Variants in CDC73 observed in about 807,000 individuals in gnomAD.
CDC73 encodes the protein parafibromin.
A neutral mutation model predicts 83.7 loss-of-function variants in CDC73; 21 were observed. That is an observed-to-expected ratio of 0.25 (90% CI 0.18 to 0.36). The LOEUF (loss-of-function observed/expected upper bound fraction) is 0.36, where lower values mean the gene tolerates loss of function less well. Ranked by LOEUF, CDC73 falls within the 10% of genes least tolerant of loss-of-function variation. CDC73 has a pLI of 1.00. For synonymous variants in CDC73, 224 were observed against 212.9 expected (o/e 1.05, Z -0.45); for missense variants, 342 against 653.3 (o/e 0.52, Z 5.19).
intron 13 of CDC73, among the ~76,000 whole-genome samples, chr1:193,225,284 C>T (rs867523427): frequency 1.1e-4 from 16 of 145,934 alleles, no homozygotes; most frequent in Admixed American, 2.1e-4. Context: ...CCACATACTA[C>T]GGTTTCTTTA....
intron 5 of CDC73, among the ~76,000 whole-genome samples, chr1:193,136,138 G>C (rs1176098150): frequency 1.3e-5 from 2 of 151,890 alleles, no homozygotes; most frequent in Admixed American, 6.5e-5. Flanking sequence ...AGGCCTTATG[G>C]GCCATACAGT....
intron 10 of CDC73, among the ~76,000 whole-genome samples, chr1:193,183,383 A>G (rs1220204707): frequency 1.3e-5 from 2 of 149,708 alleles, no homozygotes; most frequent in Middle Eastern, 6.8e-3. Context: ...GATGTGAACA[A>G]TTTTTTTAAG....
chr1:193,151,007 G>T (rs1486761437), intron 9 of CDC73, among the ~76,000 whole-genome samples: 1 of 152,164 alleles, frequency 6.6e-6, no homozygotes. Flanking sequence ...TGTACATTGA[G>T]AACTTGGAAA....
intron 7 of CDC73, among the ~76,000 whole-genome samples, 170 bp from the exon 8 acceptor site, chr1:193,147,697 G>A (rs1676026132): frequency 6.6e-6 from 1 of 152,100 alleles, no homozygotes; most frequent in Admixed American, 6.5e-5. Context: ...ATCAGTCTCT[G>A]GATCAATATC....
rs566072882 is a variant in CDC73 at position 193,203,518 on chromosome 1, T to C, written c.973-277T>C. Among the ~76,000 whole-genome samples the C allele has an allele frequency of 2.0e-5, 3 of 152,324 alleles. No homozygotes were observed. The East Asian group carries it at 5.8e-4, about 29-fold the overall frequency. Reference sequence around the variant, plus strand: ...AGCAGTTAAGCAAATCATTTAAAAATATTACATGCTTACAGTAACTACTCT... The same window carrying C: ...AGCAGTTAAGCAAATCATTTAAAAACATTACATGCTTACAGTAACTACTCT... On this transcript the variant is annotated intron_variant, in intron 10 of 16. Coordinates refer to ENST00000367435, the MANE Select transcript of CDC73 (RefSeq NM_024529.5).
chr1:193,184,668 A>G (rs1359571404), intron 10 of CDC73, among the ~76,000 whole-genome samples: 2 of 151,960 alleles, frequency 1.3e-5, no homozygotes, highest in African/African-American at 4.8e-5. Context: ...TATAGCTTAT[A>G]AAACTGCTTA....
intron 15 of CDC73, among the ~76,000 whole-genome samples, chr1:193,237,499 T>G (rs1677783255): frequency 6.6e-6 from 1 of 152,136 alleles, no homozygotes; most frequent in Non-Finnish European, 1.5e-5. Context: ...TAGCAAAGAT[T>G]AGATAACCTG....
intron 13 of CDC73, among the ~76,000 whole-genome samples, chr1:193,231,991 A>T (rs183449549): frequency 1.8e-3 from 274 of 152,322 alleles, no homozygotes; most frequent in African/African-American, 6.3e-3. Context: ...TTTAGAAAAT[A>T]AGACTTTTAA....
intron 13 of CDC73, among the ~76,000 whole-genome samples, chr1:193,214,567 A>C (rs1192923420): frequency 6.6e-6 from 1 of 152,072 alleles, no homozygotes; most frequent in Non-Finnish European, 1.5e-5. Context: ...AATACAAAAA[A>C]AATTAGCCGG....
intron 13 of CDC73, among the ~76,000 whole-genome samples, chr1:193,215,658 C>T (rs796835837): frequency 9.4e-5 from 14 of 148,854 alleles, no homozygotes; most frequent in African/African-American, 3.5e-4. Context: ...GGTGTGATCT[C>T]GGCTCTCTGC....
chr1:193,250,320 A>G (rs963339877), intron 16 of CDC73, among the ~76,000 whole-genome samples: 4 of 151,870 alleles, frequency 2.6e-5, no homozygotes, highest in African/African-American at 4.8e-5. Flanking sequence ...AGCCCTTTAC[A>G]TTAATAACAG....
intron 10 of CDC73, among the ~76,000 whole-genome samples, chr1:193,189,247 C>G (rs1007655351): frequency 1.3e-4 from 20 of 152,160 alleles, no homozygotes; most frequent in African/African-American, 4.3e-4. Context: ...AGCCACAGTG[C>G]CCAGCCAACC....
At chr1:193,180,830 T>C (rs1250445576) in intron 10 of CDC73, 2 of 1,613,950 alleles carry the variant, frequency 1.2e-6, no homozygotes, top group Admixed American at 1.7e-5. Flanking sequence ...ACATATGGAA[T>C]ATGTGGACAG....
chr1:193,129,340 C>T (rs967475481), intron 2 of CDC73, among the ~76,000 whole-genome samples: 1 of 151,450 alleles, frequency 6.6e-6, no homozygotes, highest in Non-Finnish European at 1.5e-5. Flanking sequence ...CCATGTTGGC[C>T]AGGCTGGTCT....
chr1:193,150,108 TA>T lies in CDC73; in HGVS notation c.829-183del, dbSNP rs998851470. Among the ~76,000 whole-genome samples the T allele has an allele frequency of 3.4e-3, 484 of 143,262 alleles. 1 individual carries two copies. The highest frequency in any genetic ancestry group is 5.8e-3 in the Non-Finnish European group (377 of 64,942). 94.0% of individuals were successfully genotyped at this position (143,262 alleles called of 152,430 possible). A position where few individuals can be genotyped will look rare whatever the true frequency, so the allele number is the denominator to read the frequency against. On this transcript the variant is annotated intron_variant, in intron 8 of 16. Coordinates refer to ENST00000367435, the MANE Select transcript of CDC73 (RefSeq NM_024529.5). ...GCAGCATGGTGAAACTTTGTCTTTA[TA>T]AAAAAAAAAAAATTAGCTGAGTGTG...
At chr1:193,232,903 A>G in intron 13 of CDC73, 90 bp from the exon 14 acceptor site, 1 of 376,502 alleles carries the variant, frequency 2.7e-6, no homozygotes, top group Non-Finnish European at 4.1e-6. Context: ...ACTCTGTCTC[A>G]AAAAAAAAAA....
chr1:193,124,688 T>C (rs1675532271), intron 1 of CDC73, among the ~76,000 whole-genome samples: 1 of 152,250 alleles, frequency 6.6e-6, no homozygotes, highest in South Asian at 2.1e-4. Flanking sequence ...TGAAGGATGT[T>C]GTTCAGCAGT....
At chr1:193,134,224 T>A (rs1675747244) in intron 3 of CDC73, among the ~76,000 whole-genome samples, 1 of 152,088 alleles carries the variant, frequency 6.6e-6, no homozygotes, top group South Asian at 2.1e-4. Flanking sequence ...TGTACATTTA[T>A]ATATTTATGA....
intron 15 of CDC73, among the ~76,000 whole-genome samples, chr1:193,249,066 T>C (rs1043034052): frequency 5.9e-5 from 9 of 152,080 alleles, no homozygotes; most frequent in African/African-American, 2.2e-4. Flanking sequence ...AGAAATCTTC[T>C]GTGAAAGGCA....
Sources: gnomAD v4.1 joint callset for allele counts (sites outside exome capture counted in the v4.1 genomes callset) on GRCh38, gnomAD v4.1.1 for gene constraint, MANE v1.5 for transcripts, NCBI Gene and HGNC (gene_info 2026-07-23, HGNC 2026-07-21) for gene names.